Variants in SENP1 observed in about 807,000 individuals in gnomAD.
SENP1 encodes sentrin-specific protease 1.
SENP1 carries 21 observed loss-of-function variants against 93.0 expected under a neutral mutation model. That is an observed-to-expected ratio of 0.23 (90% CI 0.16 to 0.33). The LOEUF is 0.33. SENP1 is among the 10% of genes least tolerant of loss of function. The pLI is 1.00. For synonymous variants in SENP1, 256 were observed against 259.6 expected, an observed-to-expected ratio of 0.99 and a Z score of 0.13; for missense variants, 591 against 758.7, an observed-to-expected ratio of 0.78 and a Z score of 2.60.
In SENP1 at chr12:48,049,225, T is replaced by TAATA. The variant is rs1941605417; in HGVS notation, c.1408-94_1408-93insTATT. 3.3e-6 allele frequency: 3 copies of TAATA among 903,404 alleles called. No homozygotes were observed. In the East Asian group the frequency reaches 7.3e-5, roughly 22 times the overall value. The allele number at this position is 903,404 out of a possible 1,614,324, so 56.0% of individuals were successfully genotyped here. On this transcript the variant is annotated intron_variant, in intron 13 of 17. Transcript: ENST00000549518. The stretch of plus-strand genomic sequence containing the variant: ...CTGTGTTGAATAGCATATGTAATTG[T>TAATA]TTCCTAATAAACTGAATTAAGTCTT...
intron 1 of SENP1, 74 bp downstream of exon 1, chr12:48,105,954 C>T (rs2137450796): frequency 1.4e-6 from 1 of 693,966 alleles, no homozygotes; most frequent in Non-Finnish European, 2.6e-6. Flanking sequence ...GGCCGGCTGA[C>T]CGGGTCCGAC....
chr12:48,069,673 A>G (rs1428838125), intron 9 of SENP1, among the ~76,000 whole-genome samples: 1 of 152,162 alleles, frequency 6.6e-6, no homozygotes, highest in Non-Finnish European at 1.5e-5. Flanking sequence ...TAAGGTATCA[A>G]TACTGGCATT....
At chr12:48,072,204 C>G (rs1326475832) in intron 8 of SENP1, among the ~76,000 whole-genome samples, 2 of 152,188 alleles carry the variant, frequency 1.3e-5, no homozygotes, top group Non-Finnish European at 2.9e-5. Flanking sequence ...AAATCTCTAT[C>G]CAGCTCTATT....
chr12:48,074,805 C>CAA lies in SENP1; in HGVS notation c.553-14_553-13dup, dbSNP rs113215127. ...TCTTCTTGAACTGTCTATAAGAAAA[C>CAA]AAAAAAAAAAAACAGTTTAAACACA... On this transcript the variant is annotated splice_polypyrimidine_tract_variant and intron_variant, in intron 6 of 17. Transcript: ENST00000549518. 3.6e-3 allele frequency: 4,068 copies of CAA among 1,138,910 alleles called. 75 individuals are homozygous for CAA. The African/African-American group carries it at 0.056, about 16-fold the overall frequency. 70.6% of individuals were successfully genotyped at this position (1,138,910 alleles called of 1,614,324 possible).
rs146072960 is a variant in SENP1, at chr12:48,101,744, C to T, written c.-44-228G>A. ...TACATTAAACAGCAATTACAGACTA[C>T]GCACAGAATCACAGAATATTAAAGC... On this transcript the variant is annotated intron_variant, in intron 1 of 17. Transcript: ENST00000549518. 4.8e-4 allele frequency among the ~76,000 whole-genome samples: 73 copies of T among 152,310 alleles called. 1 individual carries two copies. In the East Asian group the frequency reaches 9.6e-3, roughly 20 times the overall value.
intron 1 of SENP1, among the ~76,000 whole-genome samples, chr12:48,103,855 T>C (rs185893623): frequency 6.6e-6 from 1 of 152,050 alleles, no homozygotes; most frequent in Non-Finnish European, 1.5e-5. Flanking sequence ...ACTTATAACC[T>C]TACATATATG....
At chr12:48,084,977 T>A in intron 5 of SENP1, 4 of 652,710 alleles carry the variant, frequency 6.1e-6, no homozygotes, top group Non-Finnish European at 1.1e-5. Flanking sequence ...TCTCTTTAAG[T>A]CTTCTTGGGT....
chr12:48,102,303 G>A (rs950330820), intron 1 of SENP1, among the ~76,000 whole-genome samples: 6 of 151,828 alleles, frequency 4.0e-5, no homozygotes, highest in African/African-American at 7.3e-5. Flanking sequence ...GTGGTGATAC[G>A]TGCCTGTAAT....
intron 1 of SENP1, among the ~76,000 whole-genome samples, chr12:48,103,749 A>T (rs1423845752): frequency 6.6e-6 from 1 of 152,266 alleles, no homozygotes; most frequent in African/African-American, 2.4e-5. Flanking sequence ...AAGCTGTTAC[A>T]GACATTCAGA....
At chr12:48,068,510 T>C (rs1943446531) in intron 9 of SENP1, among the ~76,000 whole-genome samples, 1 of 152,184 alleles carries the variant, frequency 6.6e-6, no homozygotes, top group Non-Finnish European at 1.5e-5. Flanking sequence ...AAAAAGATAA[T>C]TTCTCTTGAA....
intron 6 of SENP1, 150 bp downstream of exon 6, chr12:48,083,441 T>C (rs954121645): frequency 5.9e-6 from 4 of 680,006 alleles, no homozygotes; most frequent in Non-Finnish European, 7.6e-6. Flanking sequence ...GAATAGATGA[T>C]AACACTCAAA....
At chr12:48,105,325 C>G in intron 1 of SENP1, 1 of 513,406 alleles carries the variant, frequency 1.9e-6, no homozygotes, top group Non-Finnish European at 3.9e-6. Flanking sequence ...TCACCAAGCT[C>G]AAGGAAAGAG....
chr12:48,058,863 C>T (rs1942769525), intron 13 of SENP1, among the ~76,000 whole-genome samples: 1 of 152,136 alleles, frequency 6.6e-6, no homozygotes, highest in South Asian at 2.1e-4. Context: ...TGGAAAAGTA[C>T]AGCCTTACTT....
rs137956945 is a variant in SENP1, at chr12:48,059,074, T to C, written c.1407+4636A>G. Among the ~76,000 whole-genome samples the C allele has an allele frequency of 6.8e-4, 103 of 152,334 alleles. 1 individual carries two copies. The highest frequency in any genetic ancestry group is 2.2e-3 in the African/African-American group (92 of 41,578). ...TATCACCAGTTTTCAACAACTTGATTACTATACATTTTAGCATGGTGTTTC... is the reference window on the plus strand; with the variant it reads ...TATCACCAGTTTTCAACAACTTGATCACTATACATTTTAGCATGGTGTTTC... On this transcript the variant is annotated intron_variant, in intron 13 of 17. Coordinates refer to ENST00000549518, the MANE Select transcript of SENP1 (RefSeq NM_001267594.2).
intron 2 of SENP1, chr12:48,098,922 CA>C (rs1232744716): frequency 6.6e-6 from 1 of 152,154 alleles, no homozygotes; most frequent in East Asian, 1.9e-4. Context: ...TTGTCATTGT[CA>C]AAAGAGGTCC....
intron 6 of SENP1, among the ~76,000 whole-genome samples, chr12:48,081,145 AC>A (rs1944462641): frequency 6.6e-6 from 1 of 152,124 alleles, no homozygotes; most frequent in Non-Finnish European, 1.5e-5. Context: ...GGAGCCCTGT[AC>A]CCAGCTGTCA....
intron 9 of SENP1, among the ~76,000 whole-genome samples, chr12:48,070,625 G>A (rs1943622955): frequency 6.6e-6 from 1 of 152,162 alleles, no homozygotes. Flanking sequence ...AAGTGAGAAA[G>A]TGAGGCTTGT....
At chr12:48,051,767 G>A (rs1365567056) in intron 13 of SENP1, among the ~76,000 whole-genome samples, 2 of 152,198 alleles carry the variant, frequency 1.3e-5, no homozygotes, top group East Asian at 1.9e-4. Flanking sequence ...AACTGTCCCC[G>A]ACGCCAAGTT....
chr12:48,070,383 C>T (rs915806549), intron 9 of SENP1, among the ~76,000 whole-genome samples: 1 of 152,138 alleles, frequency 6.6e-6, no homozygotes, highest in African/African-American at 2.4e-5. Context: ...CTATATATTA[C>T]CCTGCTTCAA....
Sources: gnomAD v4.1 joint callset for allele counts (sites outside exome capture counted in the v4.1 genomes callset) on GRCh38, gnomAD v4.1.1 for gene constraint, MANE v1.5 for transcripts, NCBI Gene and HGNC (gene_info 2026-07-23, HGNC 2026-07-21) for gene names.